Variants in COPS7A observed in about 807,000 individuals in gnomAD.
COPS7A encodes COP9 signalosome complex subunit 7a.
In COPS7A, 20 loss-of-function variants were observed where a neutral mutation model predicts 35.2. That is an observed-to-expected ratio of 0.57 (90% CI 0.40 to 0.83). The LOEUF is 0.83. Among genes scored for constraint, COPS7A ranks in the 40% least tolerant of loss-of-function variants. COPS7A has a pLI of 0.00. For missense variants in COPS7A, 247 were observed against 347.5 expected (o/e 0.71, Z 2.30); for synonymous variants, 139 against 141.4 (o/e 0.98, Z 0.12).
Position 6,729,417 on chromosome 12 carries a change from C to A in COPS7A, c.498C>A (p.Asp166Glu). 6.2e-7 allele frequency: 1 copy of A among 1,614,094 alleles called. No homozygotes were observed. The highest frequency in any genetic ancestry group is 1.1e-5 in the South Asian group (1 of 91,082). ...YSIGRDIQRQDLSAIARTLQE... is the reference protein window; with the variant it reads ...YSIGRDIQRQELSAIARTLQE... ...TCGGGCGGGACATCCAGCGCCAGGA[C>A]CTCAGTGCCATTGCCCGAACCCTGC... is the stretch of plus-strand genomic sequence containing the variant. Residue 166 changes from aspartate to glutamate, a missense_variant, in exon 5 of 8, where the codon GAC (aspartate) becomes GAA (glutamate). Asp to Glu is a conservative substitution (Grantham distance 45). Coordinates refer to ENST00000543155, the MANE Select transcript of COPS7A (RefSeq NM_001164094.2). The surrounding 1 kb of genome is among the most constrained non-coding windows in gnomAD (Gnocchi z 4.2).
intron 3 of COPS7A, 106 bp downstream of exon 3, chr12:6,728,107 C>A: frequency 6.9e-7 from 1 of 1,450,382 alleles, no homozygotes. Flanking sequence ...TCCCTGGATG[C>A]ATAGGGTCAG....
chr12:6,726,669 T>C (rs1292589623), intron 2 of COPS7A, among the ~76,000 whole-genome samples: 5 of 141,802 alleles, frequency 3.5e-5, no homozygotes, highest in South Asian at 2.2e-4. Flanking sequence ...TAAAGTATAA[T>C]TTAAAAAAAA....
In COPS7A at chr12:6,731,095, T is replaced by C; in HGVS notation, c.*56T>C. On this transcript the variant is annotated 3_prime_UTR_variant, in exon 8 of 8. Coordinates refer to ENST00000543155, the MANE Select transcript of COPS7A (RefSeq NM_001164094.2). ...GGGTCCCAGCTGCCTGCCTGCCTCT[T>C]AGGAGTCCTCAGAGAGCCTTCTGTG... 1 of 1,613,820 alleles carries C rather than the reference T, an allele frequency of 6.2e-7. No homozygotes were observed. Among genetic ancestry groups the C allele is most frequent in the Non-Finnish European group, 8.5e-7 (1 of 1,179,796 alleles).
chr12:6,728,988 C>T (rs1387073667), intron 4 of COPS7A: 5 of 486,534 alleles, frequency 1.0e-5, no homozygotes, highest in East Asian at 3.9e-5. Context: ...GTCATTTTCT[C>T]CTTCTGTGGT....
chr12:6,730,827 C>T lies in COPS7A; in HGVS notation c.788+7C>T, dbSNP rs1941374252. ...AAGCCTCAAAGGGCAAGGGGTGAGCCAGGGTAGCAGGAACTGCTCACTTGC... is the reference window on the plus strand; with the variant it reads ...AAGCCTCAAAGGGCAAGGGGTGAGCTAGGGTAGCAGGAACTGCTCACTTGC... On this transcript the variant is annotated splice_region_variant and intron_variant, in intron 7 of 7. Transcript: ENST00000543155. 3 of 1,613,750 alleles carry T rather than the reference C, an allele frequency of 1.9e-6. No individual in the cohort carries two copies. Among genetic ancestry groups the T allele is most frequent in the African/African-American group, 2.7e-5 (2 of 74,912 alleles).
chr12:6,728,161 G>C, intron 3 of COPS7A, 62 bp from the exon 4 acceptor site: 1 of 1,535,352 alleles, frequency 6.5e-7, no homozygotes, highest in East Asian at 2.2e-5. Context: ...GGAAGGGAAG[G>C]AGGCTAGGGC....
At chr12:6,725,677 C>G in intron 2 of COPS7A, 1 of 456,032 alleles carries the variant, frequency 2.2e-6, no homozygotes, top group Non-Finnish European at 4.4e-6. Flanking sequence ...AGGAACACAG[C>G]AGAGAGAACC....
At chr12:6,727,766 T>G (rs1412963562) in intron 2 of COPS7A, 160 bp from the exon 3 acceptor site, 4 of 715,992 alleles carry the variant, frequency 5.6e-6, no homozygotes, top group Admixed American at 2.0e-5. Context: ...CCTTCCTATG[T>G]GAAGAGTGAT....
intron 2 of COPS7A, chr12:6,725,555 G>C: frequency 6.7e-6 from 3 of 450,844 alleles, no homozygotes; most frequent in Non-Finnish European, 1.3e-5. Context: ...AGTGGAGAGT[G>C]AACATGTTAA....
At chr12:6,725,692 AC>A in intron 2 of COPS7A, 1 of 456,162 alleles carries the variant, frequency 2.2e-6, no homozygotes, top group South Asian at 1.5e-5. Flanking sequence ...AGAACCGTTC[AC>A]ACAAAAGTGG....
At chr12:6,727,637 T>C in intron 2 of COPS7A, 1 of 554,760 alleles carries the variant, frequency 1.8e-6, no homozygotes, top group South Asian at 1.5e-5. Flanking sequence ...TCTGTTTGAC[T>C]CTGAAAACTG....
intron 4 of COPS7A, 76 bp downstream of exon 4, chr12:6,728,387 C>G: frequency 7.9e-7 from 1 of 1,271,360 alleles, no homozygotes; most frequent in Non-Finnish European, 1.1e-6. Context: ...TAGGACAGCC[C>G]TTGTCTAGAC....
intron 2 of COPS7A, among the ~76,000 whole-genome samples, chr12:6,727,380 TAGG>T (rs1249316391): frequency 2.1e-5 from 3 of 143,708 alleles, no homozygotes; most frequent in African/African-American, 5.2e-5. Context: ...TGATCCATGA[TAGG>T]AGGAGAGGAA....
intron 2 of COPS7A, among the ~76,000 whole-genome samples, chr12:6,726,717 C>T (rs375030000): frequency 2.0e-5 from 3 of 149,662 alleles, no homozygotes; most frequent in African/African-American, 4.9e-5. Context: ...GCCGAGGTCG[C>T]GCCACTGCAC....
At chr12:6,724,378 G>A (rs1431911553) in intron 1 of COPS7A, 199 bp downstream of exon 1, 15 of 537,056 alleles carry the variant, frequency 2.8e-5, no homozygotes, top group Non-Finnish European at 4.2e-5. Flanking sequence ...TGTGTCTTGG[G>A]GTTCAATGGG....
chr12:6,728,771 C>CA (rs1223834565), intron 4 of COPS7A, among the ~76,000 whole-genome samples: 1 of 152,220 alleles, frequency 6.6e-6, no homozygotes, highest in Non-Finnish European at 1.5e-5. Context: ...ACTTGACTCT[C>CA]AGTTGTCCTT....
chr12:6,727,933 A>G lies in COPS7A; in HGVS notation c.170A>G (p.Glu57Gly). Residue 57 changes from glutamate (E) to glycine (G), a missense_variant, in exon 3 of 8, where the codon GAG (glutamate) becomes GGG (glycine). Transcript: ENST00000543155. The stretch of plus-strand genomic sequence containing the variant: ...TTTTCCTCATTCTCGCAGCTGGCTG[A>G]GAGTGACTTTGCCTCTACCTTCCGG... ...LDMPNVRELA[E>G]SDFASTFRLL... 1 of 1,614,132 alleles carries G rather than the reference A, an allele frequency of 6.2e-7. No individual in the cohort carries two copies. Among genetic ancestry groups the G allele is most frequent in the Non-Finnish European group, 8.5e-7 (1 of 1,179,986 alleles).
Position 6,730,552 on chromosome 12 carries a change from G to A in COPS7A, c.636+45G>A, listed in dbSNP as rs1474031281. ...GGCAGACCCAAACTCCTCCAGCCTG[G>A]GCGACTTGTCCTTTGCAGAGAGAAT... is the stretch of plus-strand genomic sequence containing the variant. On this transcript the variant is annotated intron_variant, in intron 6 of 7. Transcript: ENST00000543155. 3 of 1,612,056 alleles carry A rather than the reference G, an allele frequency of 1.9e-6. No individual in the cohort carries two copies. In the African/African-American group the frequency reaches 4.0e-5, roughly 22 times the overall value.
At position 6,729,519 on chromosome 12, in the gene COPS7A, G is replaced by C. The variant is rs971830467; in HGVS notation, c.530+70G>C. On this transcript the variant is annotated intron_variant, in intron 5 of 7. Coordinates refer to ENST00000543155, the MANE Select transcript of COPS7A (RefSeq NM_001164094.2). The surrounding 1 kb of genome is among the most constrained non-coding windows in gnomAD (Gnocchi z 4.2). ...GAGAAAGGCGCTTCAGGGTGAGAGAGGGCAGGAGCTGGGCTGGTCCGCAGA... is the reference window on the plus strand; with the variant it reads ...GAGAAAGGCGCTTCAGGGTGAGAGACGGCAGGAGCTGGGCTGGTCCGCAGA... 1.5e-5 allele frequency: 22 copies of C among 1,510,254 alleles called. No individual in the cohort carries two copies. Among genetic ancestry groups the C allele is most frequent in the Non-Finnish European group, 1.9e-5 (21 of 1,112,510 alleles). 93.6% of individuals were successfully genotyped at this position (1,510,254 alleles called of 1,614,324 possible).
Sources: allele counts gnomAD v4.1 joint callset (sites outside exome capture counted in the v4.1 genomes callset), GRCh38; gene constraint gnomAD v4.1.1; non-coding constraint Gnocchi (gnomAD v3.1); transcripts MANE v1.5; gene names NCBI Gene and HGNC (gene_info 2026-07-23, HGNC 2026-07-21).